ZFPM2: variants seen among roughly 807,000 people sequenced by gnomAD.
The protein encoded by ZFPM2 is zinc finger protein ZFPM2.
ZFPM2 carries 20 observed loss-of-function variants against 98.6 expected under a neutral mutation model. That is an observed-to-expected ratio of 0.20 (90% CI 0.14 to 0.29). ZFPM2 has a LOEUF of 0.29. Among genes scored for constraint, ZFPM2 ranks in the 10% least tolerant of loss-of-function variants. The pLI is 1.00. For missense variants in ZFPM2, 1,310 were observed against 1,388.6 expected (o/e 0.94, Z 0.90); for synonymous variants, 518 against 502.7 (o/e 1.03, Z -0.41).
intron 5 of ZFPM2, among the ~76,000 whole-genome samples, chr8:105,776,208 C>A (rs548190840): frequency 1.3e-5 from 2 of 152,072 alleles, no homozygotes; most frequent in East Asian, 3.9e-4. Context: ...TTAGGGAATG[C>A]ACCGGTTTAA....
At chr8:105,607,799 T>A (rs1232118743) in intron 4 of ZFPM2, among the ~76,000 whole-genome samples, 2 of 152,172 alleles carry the variant, frequency 1.3e-5, no homozygotes, top group Non-Finnish European at 2.9e-5. Flanking sequence ...TTTTAACATC[T>A]TTTTAATGAT....
chr8:105,504,928 A>G (rs1173965037), intron 3 of ZFPM2, among the ~76,000 whole-genome samples: 1 of 140,446 alleles, frequency 7.1e-6, no homozygotes, highest in Non-Finnish European at 1.5e-5. Flanking sequence ...TACAATTACA[A>G]TTTCAAAAAG....
chr8:105,486,926 C>T (rs1265251280), intron 3 of ZFPM2, among the ~76,000 whole-genome samples: 1 of 152,122 alleles, frequency 6.6e-6, no homozygotes, highest in Non-Finnish European at 1.5e-5. Flanking sequence ...TCACATTACA[C>T]TAATATTTAA....
chr8:105,690,149 T>C (rs1214477360), intron 5 of ZFPM2, among the ~76,000 whole-genome samples: 1 of 152,206 alleles, frequency 6.6e-6, no homozygotes. Flanking sequence ...AGGGAGAGGT[T>C]ACCGTCTTCA....
intron 5 of ZFPM2, among the ~76,000 whole-genome samples, chr8:105,688,578 A>G (rs1369484055): frequency 6.6e-6 from 1 of 152,132 alleles, no homozygotes; most frequent in Non-Finnish European, 1.5e-5. Flanking sequence ...ACTTTTCTAT[A>G]TGTATTTGAT....
chr8:105,441,499 A>AAAGAAATC (rs1812249106), intron 2 of ZFPM2, among the ~76,000 whole-genome samples: 1 of 146,440 alleles, frequency 6.8e-6, no homozygotes. Context: ...AGAAAGAAAG[A>AAAGAAATC]AATCAAAGCC....
intron 3 of ZFPM2, among the ~76,000 whole-genome samples, chr8:105,469,858 C>T (rs139352567): frequency 1.8e-4 from 27 of 152,268 alleles, no homozygotes; most frequent in Non-Finnish European, 2.8e-4. Context: ...CATAGCTCAT[C>T]AGAGGGTTGA....
chr8:105,792,946 T>C (rs1272923573), intron 6 of ZFPM2, among the ~76,000 whole-genome samples: 4 of 152,204 alleles, frequency 2.6e-5, no homozygotes, highest in Non-Finnish European at 4.4e-5. Flanking sequence ...TGGTAGATCT[T>C]CCTCCATCCT....
intron 5 of ZFPM2, among the ~76,000 whole-genome samples, chr8:105,640,302 A>AT (rs35034028): frequency 1.3e-5 from 2 of 151,644 alleles, no homozygotes; most frequent in East Asian, 1.9e-4. Context: ...TTTATCAGCA[A>AT]TTTTTTTTCC....
intron 5 of ZFPM2, among the ~76,000 whole-genome samples, chr8:105,686,298 T>C (rs1453035346): frequency 6.6e-6 from 1 of 152,144 alleles, no homozygotes; most frequent in African/African-American, 2.4e-5. Flanking sequence ...GTCGTTTTGC[T>C]TATCAAAGTA....
intron 4 of ZFPM2, among the ~76,000 whole-genome samples, chr8:105,566,321 T>A (rs781323768): frequency 8.5e-5 from 13 of 152,118 alleles, no homozygotes; most frequent in Admixed American, 2.0e-4. Context: ...TCTCACCTCA[T>A]ATCTCAGAAA....
chr8:105,608,230 G>A (rs184239539), intron 4 of ZFPM2, among the ~76,000 whole-genome samples: 4 of 152,132 alleles, frequency 2.6e-5, no homozygotes, highest in East Asian at 1.9e-4. Context: ...TGTTGGGTAC[G>A]GGGCTTAGTA....
At chr8:105,445,466 T>G (rs146852925) in intron 3 of ZFPM2, among the ~76,000 whole-genome samples, 1 of 152,092 alleles carries the variant, frequency 6.6e-6, no homozygotes, top group South Asian at 2.1e-4. Flanking sequence ...TTTCACCTTA[T>G]GGCATGATGC....
chr8:105,627,549 C>A (rs1364977174), intron 4 of ZFPM2, among the ~76,000 whole-genome samples: 4 of 152,020 alleles, frequency 2.6e-5, no homozygotes, highest in Admixed American at 1.3e-4. Context: ...TGTAAAAATT[C>A]AATATTTCAA....
intron 5 of ZFPM2, among the ~76,000 whole-genome samples, chr8:105,741,283 A>G (rs1264160709): frequency 6.6e-6 from 1 of 152,094 alleles, no homozygotes; most frequent in Non-Finnish European, 1.5e-5. Context: ...ATCAGTTTCC[A>G]TGTAGTTGTG....
chr8:105,626,213 A>T (rs1017290183), intron 4 of ZFPM2, among the ~76,000 whole-genome samples: 1 of 152,276 alleles, frequency 6.6e-6, no homozygotes, highest in African/African-American at 2.4e-5. Flanking sequence ...CCATGCCAGG[A>T]TTACTGAAAA....
At chr8:105,775,655 G>C (rs1202849455) in intron 5 of ZFPM2, among the ~76,000 whole-genome samples, 1 of 152,052 alleles carries the variant, frequency 6.6e-6, no homozygotes, top group African/African-American at 2.4e-5. Flanking sequence ...GCGAAATTTT[G>C]ACAGCTCGCC....
At chr8:105,586,539 C>A (rs2130754182) in intron 4 of ZFPM2, among the ~76,000 whole-genome samples, 1 of 152,174 alleles carries the variant, frequency 6.6e-6, no homozygotes, top group East Asian at 1.9e-4. Flanking sequence ...TCATCTGCCT[C>A]AGCCTCCTGA....
intron 5 of ZFPM2, among the ~76,000 whole-genome samples, chr8:105,709,850 G>A (rs1349122552): frequency 2.6e-5 from 4 of 152,138 alleles, no homozygotes; most frequent in African/African-American, 7.2e-5. Context: ...TTTGGATTTC[G>A]CTATGAAACT....
Sources: allele counts gnomAD v4.1 joint callset (sites outside exome capture counted in the v4.1 genomes callset), GRCh38; gene constraint gnomAD v4.1.1; transcripts MANE v1.5; gene names NCBI Gene and HGNC (gene_info 2026-07-23, HGNC 2026-07-21).